The following FNDC1 variants were observed in gnomAD, a reference collection of about 807,000 sequenced individuals.
FNDC1 encodes the protein fibronectin type III domain containing 1.
Under a neutral mutation model 168.0 loss-of-function variants are expected in FNDC1, and 96 were observed. That is an observed-to-expected ratio of 0.57 (90% CI 0.48 to 0.68). FNDC1 has a LOEUF of 0.68. Ranked by LOEUF, FNDC1 falls within the 30% of genes least tolerant of loss-of-function variation. The pLI, the probability that FNDC1 is intolerant of heterozygous loss-of-function variation, is 0.00. For synonymous variants in FNDC1, 1,099 were observed against 1,025.9 expected (o/e 1.07, Z -1.36); for missense variants, 2,587 against 2,482.1 (o/e 1.04, Z -0.90).
intron 14 of FNDC1, among the ~76,000 whole-genome samples, chr6:159,244,039 C>CTTGCTCA (rs1783488265): frequency 6.6e-6 from 1 of 152,210 alleles, no homozygotes; most frequent in South Asian, 2.1e-4. Context: ...TTTCCCTTTT[C>CTTGCTCA]TTGTTCACCC....
intron 14 of FNDC1, among the ~76,000 whole-genome samples, chr6:159,246,517 C>T (rs1476207146): frequency 2.6e-5 from 4 of 152,216 alleles, no homozygotes; most frequent in African/African-American, 9.6e-5. Context: ...TTCCTGAGAG[C>T]GCCTGCTGTG....
chr6:159,226,874 G>A (rs1168416970), intron 9 of FNDC1, among the ~76,000 whole-genome samples: 1 of 152,186 alleles, frequency 6.6e-6, no homozygotes, highest in African/African-American at 2.4e-5. Context: ...CAACACCCTG[G>A]CTTCCATGCT....
At chr6:159,216,462 T>C (rs1280577440) in intron 5 of FNDC1, among the ~76,000 whole-genome samples, 1 of 152,170 alleles carries the variant, frequency 6.6e-6, no homozygotes, top group Non-Finnish European at 1.5e-5. Flanking sequence ...GCCGTATTCA[T>C]CCATAAGCCT....
chr6:159,175,318 G>A (rs138200432), intron 1 of FNDC1, among the ~76,000 whole-genome samples: 200 of 152,250 alleles, frequency 1.3e-3, no homozygotes, highest in African/African-American at 4.1e-3. Flanking sequence ...TCTTGCTACT[G>A]GGGCAGCTGA....
rs375654170 is a variant in FNDC1, at chr6:159,239,928, A to G, written c.4592A>G (p.Asn1531Ser). ...DDDGNLIMSS[N>S]GIPECYAEED... is the part of the protein sequence containing the mutation. Reference sequence around the variant, plus strand: ...GATGGCAACCTGATAATGAGCTCCAATGGGATCCCAGAGTGCTACGCTGAA... The same window carrying G: ...GATGGCAACCTGATAATGAGCTCCAGTGGGATCCCAGAGTGCTACGCTGAA... The change falls in exon 14 of 23, where the codon AAT (asparagine) becomes AGT (serine). Residue 1531 changes from asparagine (N) to serine (S), a missense_variant. Asn to Ser is a conservative substitution (Grantham distance 46). Coordinates refer to ENST00000297267, the MANE Select transcript of FNDC1 (RefSeq NM_032532.3). 5.4e-5 allele frequency: 81 copies of G among 1,505,660 alleles called. No individual in the cohort carries two copies. The highest frequency in any genetic ancestry group is 1.7e-4 in the Middle Eastern group (1 of 5,750). The allele number at this position is 1,505,660 out of a possible 1,614,324, so 93.3% of individuals were successfully genotyped here.
At chr6:159,256,485 C>T in intron 17 of FNDC1, 38 bp from the exon 18 acceptor site, 2 of 1,471,284 alleles carry the variant, frequency 1.4e-6, no homozygotes, top group African/African-American at 2.8e-5. Flanking sequence ...GACTTGGTTC[C>T]TTGGTGTCCA....
chr6:159,176,797 C>G (rs1489101255), intron 1 of FNDC1, among the ~76,000 whole-genome samples: 1 of 152,172 alleles, frequency 6.6e-6, no homozygotes, highest in Non-Finnish European at 1.5e-5. Flanking sequence ...GCATGAGGCT[C>G]TGGCCAGAAA....
rs565119999 is a variant in FNDC1 at position 159,265,756 on chromosome 6, C to T, written c.5285-328C>T. On this transcript the variant is annotated intron_variant, in intron 20 of 22. Coordinates refer to ENST00000297267, the MANE Select transcript of FNDC1 (RefSeq NM_032532.3). ...CAGCCTGACCAATGTGGTGAAACCC[C>T]GTCTCTACTAAAAATACAAAAATTA... is the stretch of plus-strand genomic sequence containing the variant. Among the ~76,000 whole-genome samples, 290 of 152,128 alleles carry T rather than the reference C, an allele frequency of 1.9e-3. 1 individual carries two copies. Among genetic ancestry groups the T allele is most frequent in the African/African-American group, 3.0e-3 (123 of 41,516 alleles).
At position 159,196,908 on chromosome 6, in the gene FNDC1, C is replaced by T. The variant is rs1336034048; in HGVS notation, c.110-523C>T. 4.6e-5 allele frequency among the ~76,000 whole-genome samples: 7 copies of T among 152,118 alleles called. No homozygotes were observed. The East Asian group carries it at 1.3e-3, about 29-fold the overall frequency. ...GCAGATAGAACCAGAGTTTTACTCG[C>T]CCTTTAAGCTGTTGATGATCTTGGT... On this transcript the variant is annotated intron_variant, in intron 1 of 22. Transcript: ENST00000297267.
At position 159,238,544 on chromosome 6, in the gene FNDC1, A is replaced by C; in HGVS notation, c.4069-10A>C. 6.3e-7 allele frequency: 1 copy of C among 1,585,540 alleles called. No homozygotes were observed. The highest frequency in any genetic ancestry group is 8.6e-7 in the Non-Finnish European group (1 of 1,158,972). On this transcript the variant is annotated splice_polypyrimidine_tract_variant and intron_variant, in intron 12 of 22. Coordinates refer to ENST00000297267, the MANE Select transcript of FNDC1 (RefSeq NM_032532.3). ...TCCAATATATTCTTTAATCTATGTC[A>C]TGGATTTAGGTTGTGGACCTTGATC... is the stretch of plus-strand genomic sequence containing the variant.
chr6:159,239,585 C>T lies in FNDC1; in HGVS notation c.4249C>T (p.Pro1417Ser). ...PLFGQGRHGT[P>S]LANAQDKPIL... Reference sequence around the variant, plus strand: ...CTTTGGGCAGGGGCGACATGGCACACCTCTGGCCAATGCCCAAGATAAGCC... The same window carrying T: ...CTTTGGGCAGGGGCGACATGGCACATCTCTGGCCAATGCCCAAGATAAGCC... Residue 1417 changes from proline to serine, a missense_variant, in exon 14 of 23, where the codon CCT (proline) becomes TCT (serine). Pro to Ser is a moderately conservative substitution (Grantham distance 74). Transcript: ENST00000297267. 4 of 1,596,746 alleles carry T rather than the reference C, an allele frequency of 2.5e-6. No homozygotes were observed. Among genetic ancestry groups the T allele is most frequent in the Non-Finnish European group, 3.4e-6 (4 of 1,171,240 alleles).
chr6:159,226,606 A>G (rs1337788550), intron 9 of FNDC1, 26 bp downstream of exon 9: 1 of 1,529,110 alleles, frequency 6.5e-7, no homozygotes, highest in Admixed American at 1.9e-5. Context: ...CCTAAACTGT[A>G]AGATGCATTG....
chr6:159,198,250 C>A (rs1782293600), intron 2 of FNDC1, among the ~76,000 whole-genome samples: 1 of 152,156 alleles, frequency 6.6e-6, no homozygotes, highest in African/African-American at 2.4e-5. Context: ...ACCTAAAGCC[C>A]CATTGATTCT....
At chr6:159,257,228 G>T (rs1385076786) in intron 18 of FNDC1, among the ~76,000 whole-genome samples, 1 of 152,200 alleles carries the variant, frequency 6.6e-6, no homozygotes. Context: ...ATGCCATCTG[G>T]TTTTGGTGGT....
chr6:159,251,586 A>G (rs1431910307), intron 17 of FNDC1, 54 bp downstream of exon 17: 2 of 1,488,362 alleles, frequency 1.3e-6, no homozygotes, highest in Admixed American at 1.9e-5. Context: ...GGAAATGTGG[A>G]CAATAAAGAA....
chr6:159,234,731 C>G (rs1783208810), intron 11 of FNDC1, among the ~76,000 whole-genome samples: 2 of 152,226 alleles, frequency 1.3e-5, no homozygotes, highest in Non-Finnish European at 2.9e-5. Context: ...TCAGAGTTGC[C>G]ATTCCAATTC....
chr6:159,241,309 T>C (rs1371111380), intron 14 of FNDC1, among the ~76,000 whole-genome samples: 4 of 152,254 alleles, frequency 2.6e-5, no homozygotes, highest in Non-Finnish European at 5.9e-5. Context: ...GATTTGATTT[T>C]AATTACGGCT....
intron 4 of FNDC1, among the ~76,000 whole-genome samples, chr6:159,202,250 A>C (rs916235044): frequency 9.9e-5 from 15 of 152,232 alleles, no homozygotes; most frequent in African/African-American, 2.2e-4. Context: ...AACAAAAAAA[A>C]CCCAGGAATA....
intron 14 of FNDC1, among the ~76,000 whole-genome samples, chr6:159,243,850 C>A (rs1050835521): frequency 1.3e-5 from 2 of 151,912 alleles, no homozygotes; most frequent in African/African-American, 4.8e-5. Flanking sequence ...AAAAGAACAC[C>A]AAAATCACCC....
Sources: allele counts gnomAD v4.1 joint callset (sites outside exome capture counted in the v4.1 genomes callset), GRCh38; gene constraint gnomAD v4.1.1; transcripts MANE v1.5; gene names NCBI Gene and HGNC (gene_info 2026-07-23, HGNC 2026-07-21).